The following ADAMTS6 variants were observed in gnomAD, a reference collection of about 807,000 sequenced individuals.
The protein encoded by ADAMTS6 is ADAM metallopeptidase with thrombospondin type 1 motif 6.
ADAMTS6 carries 23 observed loss-of-function variants against 144.3 expected under a neutral mutation model. The observed-to-expected ratio is 0.16, with a 90% CI of 0.11 to 0.23. The LOEUF is 0.23. ADAMTS6 is among the 10% of genes least tolerant of loss of function. The pLI is 1.00. For missense variants in ADAMTS6, 999 were observed against 1,379.6 expected (o/e 0.72, Z 4.37); for synonymous variants, 444 against 457.5 (o/e 0.97, Z 0.38).
At position 65,228,917 on chromosome 5, in the gene ADAMTS6, T is replaced by C. The variant is rs150722633; in HGVS notation, c.1934-2698A>G. On this transcript the variant is annotated intron_variant, in intron 15 of 24. Coordinates refer to ENST00000381055, the MANE Select transcript of ADAMTS6 (RefSeq NM_197941.4). Reference sequence around the variant, plus strand: ...CCAAGTAACCACTCCATGGACTCTGTTGGGAAGCCAACTCATGAGCCATTT... The same window carrying C: ...CCAAGTAACCACTCCATGGACTCTGCTGGGAAGCCAACTCATGAGCCATTT... 2.7e-3 allele frequency among the ~76,000 whole-genome samples: 412 copies of C among 152,310 alleles called. 1 individual carries two copies. Among genetic ancestry groups the C allele is most frequent in the African/African-American group, 9.6e-3 (398 of 41,574 alleles).
At chr5:65,449,817 T>C (rs1440809280) in intron 7 of ADAMTS6, among the ~76,000 whole-genome samples, 2 of 152,186 alleles carry the variant, frequency 1.3e-5, no homozygotes, top group Non-Finnish European at 2.9e-5. Context: ...GTGGGCTAAT[T>C]GCCCAGATGT....
chr5:65,403,506 C>G (rs947823805), intron 7 of ADAMTS6, among the ~76,000 whole-genome samples: 1 of 152,222 alleles, frequency 6.6e-6, no homozygotes, highest in East Asian at 1.9e-4. Flanking sequence ...ATGTTTTCCC[C>G]TATCTTGTAA....
intron 22 of ADAMTS6, among the ~76,000 whole-genome samples, chr5:65,179,281 A>G (rs1299153170): frequency 4.6e-5 from 7 of 152,184 alleles, no homozygotes; most frequent in Admixed American, 4.6e-4. Flanking sequence ...GACTCTAAAA[A>G]GAACTTGTTT....
chr5:65,290,479 A>G (rs1742189845), intron 11 of ADAMTS6, among the ~76,000 whole-genome samples: 1 of 152,116 alleles, frequency 6.6e-6, no homozygotes, highest in African/African-American at 2.4e-5. Flanking sequence ...TGAACCCAGG[A>G]GACAGAGGTT....
intron 11 of ADAMTS6, among the ~76,000 whole-genome samples, chr5:65,277,566 T>G (rs746067460): frequency 4.6e-5 from 7 of 151,792 alleles, no homozygotes; most frequent in Admixed American, 1.3e-4. Flanking sequence ...CTGGACAGTT[T>G]TTTTTTTTTC....
At chr5:65,347,540 T>C (rs143923937) in intron 7 of ADAMTS6, among the ~76,000 whole-genome samples, 1 of 151,970 alleles carries the variant, frequency 6.6e-6, no homozygotes, top group African/African-American at 2.4e-5. Flanking sequence ...CCTGCAACCA[T>C]AAGACTACTA....
At chr5:65,438,334 C>G (rs1416290097) in intron 7 of ADAMTS6, among the ~76,000 whole-genome samples, 1 of 152,104 alleles carries the variant, frequency 6.6e-6, no homozygotes, top group African/African-American at 2.4e-5. Context: ...TTGAGACCAG[C>G]CTGGCCAACA....
intron 18 of ADAMTS6, among the ~76,000 whole-genome samples, chr5:65,216,534 A>G (rs908153002): frequency 1.3e-5 from 2 of 152,166 alleles, no homozygotes; most frequent in African/African-American, 4.8e-5. Flanking sequence ...TTCACTTCAA[A>G]TGGTTAATTT....
chr5:65,471,381 T>A (rs1416252526), intron 2 of ADAMTS6, among the ~76,000 whole-genome samples: 1 of 152,174 alleles, frequency 6.6e-6, no homozygotes, highest in Non-Finnish European at 1.5e-5. Flanking sequence ...TTTACTTTTT[T>A]AATTTTTAAA....
chr5:65,470,745 C>T, intron 3 of ADAMTS6, 33 bp downstream of exon 3: 1 of 1,509,382 alleles, frequency 6.6e-7, no homozygotes, highest in Non-Finnish European at 8.8e-7. Flanking sequence ...CTTATTTTCC[C>T]ATCAGAAGTT....
At chr5:65,381,529 A>ATTTTTT (rs748143650) in intron 7 of ADAMTS6, among the ~76,000 whole-genome samples, 2 of 103,084 alleles carry the variant, frequency 1.9e-5, no homozygotes, top group South Asian at 3.4e-4. Flanking sequence ...TGCCTGGCTA[A>ATTTTTT]TTTTTTTTTT....
chr5:65,182,251 A>T (rs1406550989), intron 22 of ADAMTS6, among the ~76,000 whole-genome samples: 3 of 152,036 alleles, frequency 2.0e-5, no homozygotes, highest in African/African-American at 4.8e-5. Flanking sequence ...TTGAGACCAC[A>T]GCCTGGCCAA....
intron 18 of ADAMTS6, among the ~76,000 whole-genome samples, chr5:65,221,092 T>C (rs1377501476): frequency 6.6e-6 from 1 of 152,038 alleles, no homozygotes; most frequent in Non-Finnish European, 1.5e-5. Flanking sequence ...TAAGAAACAA[T>C]TCTCTCCAGA....
chr5:65,402,200 A>G (rs1453605035), intron 7 of ADAMTS6, among the ~76,000 whole-genome samples: 1 of 152,048 alleles, frequency 6.6e-6, no homozygotes, highest in Non-Finnish European at 1.5e-5. Context: ...CTCCATGGTT[A>G]GTCATTCTTA....
intron 7 of ADAMTS6, among the ~76,000 whole-genome samples, chr5:65,389,572 T>C (rs1454715077): frequency 8.5e-5 from 13 of 152,050 alleles, no homozygotes; most frequent in Non-Finnish European, 1.5e-5. Context: ...TTTTTTTCTT[T>C]ACAAGGAGTC....
intron 9 of ADAMTS6, among the ~76,000 whole-genome samples, chr5:65,302,345 A>C (rs979038707): frequency 1.1e-4 from 16 of 145,790 alleles, no homozygotes; most frequent in African/African-American, 1.5e-4. Context: ...TATACATATA[A>C]TATGTGTATT....
chr5:65,453,918 T>C (rs1225603382), intron 4 of ADAMTS6, among the ~76,000 whole-genome samples: 1 of 152,220 alleles, frequency 6.6e-6, no homozygotes, highest in Non-Finnish European at 1.5e-5. Flanking sequence ...GTAGGTGCTA[T>C]GGTTTGAATA....
chr5:65,423,421 T>C (rs1756238419), intron 7 of ADAMTS6, among the ~76,000 whole-genome samples: 1 of 152,174 alleles, frequency 6.6e-6, no homozygotes. Context: ...GGTTCCCCAA[T>C]TTTCATTAAT....
intron 14 of ADAMTS6, among the ~76,000 whole-genome samples, chr5:65,256,977 CTCTCTCTCTTTTTT>C (rs1220006186): frequency 7.3e-6 from 1 of 136,848 alleles, no homozygotes; most frequent in African/African-American, 3.1e-5. Flanking sequence ...CTCTCTCTCT[CTCTCTCTCTTTTTT>C]TTTTTTTTTT....
Sources: allele counts gnomAD v4.1 joint callset (sites outside exome capture counted in the v4.1 genomes callset), GRCh38; gene constraint gnomAD v4.1.1; transcripts MANE v1.5; gene names NCBI Gene and HGNC (gene_info 2026-07-23, HGNC 2026-07-21).